The following PIAS2 variants were observed in gnomAD, a reference collection of about 807,000 sequenced individuals.
PIAS2 encodes the protein E3 SUMO-protein ligase PIAS2.
In PIAS2, 19 loss-of-function variants were observed where a neutral mutation model predicts 69.7. The ratio of observed to expected loss-of-function variants is 0.27; its 90% CI spans 0.19 to 0.40. The LOEUF (loss-of-function observed/expected upper bound fraction) is 0.40. PIAS2 is among the 10% of genes least tolerant of loss of function. The pLI is 1.00. For synonymous variants in PIAS2, 261 were observed against 263.2 expected (o/e 0.99, Z 0.08); for missense variants, 624 against 757.0 (o/e 0.82, Z 2.06).
upstream of PIAS2, among the ~76,000 whole-genome samples, chr18:46,919,663 A>T (rs1030968687): frequency 2.6e-5 from 4 of 152,304 alleles, no homozygotes; most frequent in African/African-American, 9.6e-5. Flanking sequence ...AATAAAAATT[A>T]TTATTTTAAA....
intron 5 of PIAS2, chr18:46,853,350 T>C (rs1406422132): frequency 1.3e-5 from 2 of 151,552 alleles, no homozygotes; most frequent in Admixed American, 1.3e-4. Context: ...AAAATGGTTA[T>C]GAAAAGGCCA....
intron 6 of PIAS2, among the ~76,000 whole-genome samples, chr18:46,845,678 A>G (rs1490758817): frequency 6.6e-6 from 1 of 152,112 alleles, no homozygotes; most frequent in Non-Finnish European, 1.5e-5. Context: ...TATTCATTCA[A>G]TTGATTCTAC....
At chr18:46,897,997 GAGT>G (rs2055169584) in intron 1 of PIAS2, among the ~76,000 whole-genome samples, 3 of 149,352 alleles carry the variant, frequency 2.0e-5, no homozygotes, top group Non-Finnish European at 3.0e-5. Flanking sequence ...TCGGCCTCCA[GAGT>G]AGCTGGGAGG....
At position 46,848,788 on chromosome 18, in the gene PIAS2, TGA is replaced by T. The variant is rs60707180; in HGVS notation, c.727-1949_727-1948del. Among the ~76,000 whole-genome samples, 682 of 146,256 alleles carry T rather than the reference TGA, an allele frequency of 4.7e-3. 4 individuals carry two copies. The highest frequency in any genetic ancestry group is 7.4e-3 in the Non-Finnish European group (489 of 66,528). On this transcript the variant is annotated intron_variant, in intron 5 of 13. Transcript: ENST00000585916. The stretch of plus-strand genomic sequence containing the variant: ...GACAGTGTGTGTGTGTGTGTGTGTG[TGA>T]GAGAGAGAGAGTAGGAAGGTTATGC...
chr18:46,871,296 G>C (rs972060089), intron 2 of PIAS2, among the ~76,000 whole-genome samples: 13 of 152,064 alleles, frequency 8.5e-5, no homozygotes, highest in African/African-American at 2.2e-4. Context: ...AAAAGACAAG[G>C]CCCACTGATA....
chr18:46,844,104 G>T lies in PIAS2; in HGVS notation c.991C>A (p.Pro331Thr). 1 of 1,508,416 alleles carries T rather than the reference G, an allele frequency of 6.6e-7. No homozygotes were observed. The highest frequency in any genetic ancestry group is 8.9e-7 in the Non-Finnish European group (1 of 1,127,496). 93.4% of individuals were successfully genotyped at this position (1,508,416 alleles called of 1,614,324 possible). Residue 331 changes from proline (P) to threonine (T), a missense_variant, in exon 8 of 14, where the codon CCT becomes ACT. Coordinates refer to ENST00000585916, the MANE Select transcript of PIAS2 (RefSeq NM_004671.5). ...ALIKEKLTAD[P>T]DSEIATTSLR... ...CTAGTTGTAGCAATTTCACTATCAG[G>T]ATCTGCAGTAAGTTTTTCTTTAACT... is the stretch of plus-strand genomic sequence containing the variant.
rs2041023726 is a variant in PIAS2, at chr18:46,811,864, A to G, written c.*569T>C. The stretch of plus-strand genomic sequence containing the variant: ...TTTTTCTTTGATGCAATCACGAAGA[A>G]AAGTGGAAATGCAGGACGAAAAGTG... On this transcript the variant is annotated 3_prime_UTR_variant, in exon 14 of 14. Coordinates refer to ENST00000585916, the MANE Select transcript of PIAS2 (RefSeq NM_004671.5). 6.6e-6 allele frequency: 1 copy of G among 152,238 alleles called. No homozygotes were observed. The allele number at this position is 152,238 out of a possible 1,614,324, so 9.4% of individuals were successfully genotyped here.
At chr18:46,823,126 T>C (rs770154834) in intron 11 of PIAS2, among the ~76,000 whole-genome samples, 4 of 150,694 alleles carry the variant, frequency 2.7e-5, no homozygotes, top group Non-Finnish European at 5.9e-5. Context: ...TCCTAGCTAC[T>C]TGGGAGGCTG....
rs1489659080 is a variant in PIAS2 at position 46,887,676 on chromosome 18, T to C, written c.499+2904A>G. 2.6e-5 allele frequency among the ~76,000 whole-genome samples: 4 copies of C among 152,170 alleles called. No homozygotes were observed. In the East Asian group the frequency reaches 7.7e-4, roughly 29 times the overall value. On this transcript the variant is annotated intron_variant, in intron 2 of 13. Coordinates refer to ENST00000585916, the MANE Select transcript of PIAS2 (RefSeq NM_004671.5). ...GTGCCACTTTAGAAATAAAATTAAA[T>C]ATAAAAGGTTTATTTCTTAGAAAAT...
In PIAS2 at chr18:46,820,734, C is replaced by T. The variant is rs1186286690; in HGVS notation, c.1648+199G>A. Among the ~76,000 whole-genome samples the T allele has an allele frequency of 3.3e-5, 5 of 152,066 alleles. No individual in the cohort carries two copies. The East Asian group carries it at 9.6e-4, about 29-fold the overall frequency. ...TCCTATTCTACTATATTTCTTATCA[C>T]CAGGAATCTATAGATTGCTCTGTAG... On this transcript the variant is annotated intron_variant, in intron 12 of 13. Transcript: ENST00000585916.
intron 2 of PIAS2, among the ~76,000 whole-genome samples, chr18:46,865,262 G>C (rs550831729): frequency 2.0e-5 from 3 of 152,160 alleles, no homozygotes; most frequent in African/African-American, 7.2e-5. Context: ...AAATGAGGCC[G>C]GGCACAGTGG....
Position 46,844,105 on chromosome 18 carries a change from A to T in PIAS2, c.990T>A (p.Asp330Glu), listed in dbSNP as rs780510403. The change falls in exon 8 of 14, where the codon GAT becomes GAA. Residue 330 changes from aspartate to glutamate, a missense_variant. Physicochemically the swap from Asp to Glu is conservative, Grantham distance 45. Transcript: ENST00000585916. Reference sequence around the variant, plus strand: ...TAGTTGTAGCAATTTCACTATCAGGATCTGCAGTAAGTTTTTCTTTAACTT... The same window carrying T: ...TAGTTGTAGCAATTTCACTATCAGGTTCTGCAGTAAGTTTTTCTTTAACTT... ...RALIKEKLTA[D>E]PDSEIATTSL... 2 of 1,516,122 alleles carry T rather than the reference A, an allele frequency of 1.3e-6. No homozygotes were observed. The highest frequency in any genetic ancestry group is 1.8e-6 in the Non-Finnish European group (2 of 1,131,400). The allele number at this position is 1,516,122 out of a possible 1,614,324, so 93.9% of individuals were successfully genotyped here.
intron 2 of PIAS2, among the ~76,000 whole-genome samples, chr18:46,880,384 C>CA (rs915544129): frequency 3.5e-4 from 53 of 150,660 alleles, no homozygotes; most frequent in African/African-American, 9.1e-4. Flanking sequence ...GACCCTGTCT[C>CA]AAAAAAAACA....
At chr18:46,872,165 A>G (rs72911118) in intron 2 of PIAS2, among the ~76,000 whole-genome samples, 7,052 of 152,232 alleles carry the variant, frequency 0.046, 191 homozygotes, top group Non-Finnish European at 0.065. Flanking sequence ...AAGAAATTAG[A>G]CGGGTCATGC....
chr18:46,862,786 A>G (rs1001335248), intron 3 of PIAS2, among the ~76,000 whole-genome samples: 8 of 151,974 alleles, frequency 5.3e-5, no homozygotes, highest in Non-Finnish European at 1.0e-4. Context: ...GCTCACTGCA[A>G]CCTCTGCCTC....
At chr18:46,869,173 C>T (rs377391427) in intron 2 of PIAS2, among the ~76,000 whole-genome samples, 5 of 152,166 alleles carry the variant, frequency 3.3e-5, no homozygotes, top group African/African-American at 4.8e-5. Context: ...ACCGACACAC[C>T]GATGCTAAGA....
At chr18:46,901,048 T>C in intron 1 of PIAS2, 2 of 407,598 alleles carry the variant, frequency 4.9e-6, no homozygotes, top group South Asian at 1.8e-5. Flanking sequence ...AAACAGAAGA[T>C]GAGAGAATAT....
intron 8 of PIAS2, among the ~76,000 whole-genome samples, chr18:46,843,327 T>C (rs979627203): frequency 6.6e-6 from 1 of 152,202 alleles, no homozygotes; most frequent in African/African-American, 2.4e-5. Context: ...CAAAACTACA[T>C]TATAAATTCC....
At chr18:46,905,333 T>A (rs760210854) in intron 1 of PIAS2, among the ~76,000 whole-genome samples, 1 of 151,812 alleles carries the variant, frequency 6.6e-6, no homozygotes, top group Non-Finnish European at 1.5e-5. Flanking sequence ...AACGGAAATA[T>A]CACACACATC....
Sources: allele counts gnomAD v4.1 joint callset (sites outside exome capture counted in the v4.1 genomes callset), GRCh38; gene constraint gnomAD v4.1.1; transcripts MANE v1.5; gene names NCBI Gene and HGNC (gene_info 2026-07-23, HGNC 2026-07-21).